Variants in MAP3K5 observed in about 807,000 individuals in gnomAD.
The protein encoded by MAP3K5 is ASK-1.
Under a neutral mutation model 158.7 loss-of-function variants are expected in MAP3K5, and 56 were observed. That is an observed-to-expected ratio of 0.35 (90% confidence interval 0.28 to 0.44). The LOEUF is 0.44. MAP3K5 is among the 20% of genes least tolerant of loss of function. MAP3K5 has a pLI of 1.00. For synonymous variants in MAP3K5, 579 were observed against 601.7 expected, an observed-to-expected ratio of 0.96 and a Z score of 0.55; for missense variants, 1,294 against 1,674.8, an observed-to-expected ratio of 0.77 and a Z score of 3.97.
chr6:136,567,946 G>GGCCTTAGTT, intron 25 of MAP3K5, 72 bp from the exon 26 acceptor site: 3 of 1,483,912 alleles, frequency 2.0e-6, no homozygotes, highest in Non-Finnish European at 2.8e-6. Context: ...AGATATGAAT[G>GGCCTTAGTT]CTACCCTCCT....
At chr6:136,734,763 A>G (rs906517294) in intron 1 of MAP3K5, among the ~76,000 whole-genome samples, 4 of 152,140 alleles carry the variant, frequency 2.6e-5, no homozygotes, top group African/African-American at 9.7e-5. Flanking sequence ...AAACCATCAA[A>G]GCTTCATTCA....
intron 19 of MAP3K5, 64 bp from the exon 20 acceptor site, chr6:136,602,043 A>G (rs1043097937): frequency 1.5e-6 from 2 of 1,365,442 alleles, no homozygotes; most frequent in African/African-American, 1.5e-5. Context: ...CCTGAACTCC[A>G]GCTTCCATAA....
At chr6:136,698,326 A>G (rs1262496078) in intron 4 of MAP3K5, among the ~76,000 whole-genome samples, 163 bp downstream of exon 4, 1 of 152,166 alleles carries the variant, frequency 6.6e-6, no homozygotes, top group Non-Finnish European at 1.5e-5. Flanking sequence ...AATAAAATGT[A>G]TTATGTGGCA....
rs551346025 is a variant in MAP3K5 at position 136,764,529 on chromosome 6, C to A, written c.448+27181G>T. Among the ~76,000 whole-genome samples, 9 of 152,286 alleles carry A rather than the reference C, an allele frequency of 5.9e-5. No individual in the cohort carries two copies. The East Asian group carries it at 1.7e-3, about 29-fold the overall frequency. On this transcript the variant is annotated intron_variant, in intron 1 of 29. Coordinates refer to ENST00000359015, the MANE Select transcript of MAP3K5 (RefSeq NM_005923.4). ...TGGATGTTCCAGCTTTGTCAAACCC[C>A]CAGATGGCTTCAGACCCAACCAAGT...
In MAP3K5 at chr6:136,600,944, C is replaced by T. The variant is rs953140351; in HGVS notation, c.2878+78G>A. The T allele has an allele frequency of 5.5e-6, 8 of 1,451,898 alleles. No homozygotes were observed. In the African/African-American group the frequency reaches 9.8e-5, roughly 18 times the overall value. 89.9% of individuals were successfully genotyped at this position (1,451,898 alleles called of 1,614,324 possible). Reference sequence around the variant, plus strand: ...TGTAAGCCAGGAGCAGAGCATGAGGCTACTTGATGGGAAGTCTGGAGTTTA... The same window carrying T: ...TGTAAGCCAGGAGCAGAGCATGAGGTTACTTGATGGGAAGTCTGGAGTTTA... On this transcript the variant is annotated intron_variant, in intron 21 of 29. Transcript: ENST00000359015.
In MAP3K5 at chr6:136,580,473, C is replaced by G. The variant is rs927198190; in HGVS notation, c.3412-67G>C. ...GCAAATAGCCTAGATGATCGAAGCA[C>G]TTGTATGAAGTTCCATTTACAAAAC... is the stretch of plus-strand genomic sequence containing the variant. On this transcript the variant is annotated intron_variant, in intron 24 of 29. Coordinates refer to ENST00000359015, the MANE Select transcript of MAP3K5 (RefSeq NM_005923.4). 4.3e-6 allele frequency: 4 copies of G among 930,010 alleles called. No homozygotes were observed. The Admixed American group carries it at 5.6e-5, about 13-fold the overall frequency. 57.6% of individuals were successfully genotyped at this position (930,010 alleles called of 1,614,324 possible). A position where few individuals can be genotyped will look rare whatever the true frequency, so the allele number is the denominator to read the frequency against.
At chr6:136,649,460 G>A (rs976296504) in intron 11 of MAP3K5, among the ~76,000 whole-genome samples, 2 of 152,140 alleles carry the variant, frequency 1.3e-5, no homozygotes. Context: ...TCAACCATGG[G>A]TGCACATCAG....
intron 1 of MAP3K5, among the ~76,000 whole-genome samples, chr6:136,733,139 T>C (rs1424098901): frequency 6.6e-6 from 1 of 152,176 alleles, no homozygotes; most frequent in African/African-American, 2.4e-5. Flanking sequence ...CCTAGGACTA[T>C]AGGCATGCAC....
chr6:136,737,996 G>GA (rs1273702550), intron 1 of MAP3K5, among the ~76,000 whole-genome samples: 1 of 152,044 alleles, frequency 6.6e-6, no homozygotes, highest in Non-Finnish European at 1.5e-5. Flanking sequence ...CATAATATAG[G>GA]AGTTTCTTTT....
At chr6:136,632,706 G>A (rs1319871844) in intron 14 of MAP3K5, among the ~76,000 whole-genome samples, 1 of 152,176 alleles carries the variant, frequency 6.6e-6, no homozygotes, top group Non-Finnish European at 1.5e-5. Context: ...GAACGGGCAT[G>A]AGGGATTAAG....
Position 136,597,353 on chromosome 6 carries a change from G to C in MAP3K5, c.2878+3669C>G, listed in dbSNP as rs550127775. Among the ~76,000 whole-genome samples the C allele has an allele frequency of 2.0e-5, 3 of 152,296 alleles. No homozygotes were observed. The South Asian group carries it at 6.2e-4, about 32-fold the overall frequency. On this transcript the variant is annotated intron_variant, in intron 21 of 29. Coordinates refer to ENST00000359015, the MANE Select transcript of MAP3K5 (RefSeq NM_005923.4). ...AGATACATTCCTGCTTTGGGAAAAC[G>C]GGGATTTTCTAAATCCCTTCCATTG...
intron 1 of MAP3K5, among the ~76,000 whole-genome samples, chr6:136,786,859 C>T (rs1419267955): frequency 7.0e-6 from 1 of 141,960 alleles, no homozygotes; most frequent in Non-Finnish European, 1.5e-5. Flanking sequence ...GGCTGGACTG[C>T]AGTAGCACGA....
intron 3 of MAP3K5, among the ~76,000 whole-genome samples, chr6:136,698,884 T>G (rs1780725219): frequency 6.6e-6 from 1 of 152,144 alleles, no homozygotes; most frequent in Admixed American, 6.5e-5. Context: ...TTACAGATGA[T>G]ACCAAAAAAA....
At chr6:136,628,601 C>A (rs934884443) in intron 14 of MAP3K5, among the ~76,000 whole-genome samples, 1 of 152,006 alleles carries the variant, frequency 6.6e-6, no homozygotes, top group African/African-American at 2.4e-5. Context: ...GTTTTAATTT[C>A]CCCTAGGAAT....
intron 25 of MAP3K5, among the ~76,000 whole-genome samples, chr6:136,578,830 C>A (rs1461954915): frequency 6.6e-6 from 1 of 151,710 alleles, no homozygotes; most frequent in Non-Finnish European, 1.5e-5. Context: ...GAAGGGTTGG[C>A]CTGAACTTAA....
At chr6:136,618,288 C>CT (rs1159742200) in intron 15 of MAP3K5, among the ~76,000 whole-genome samples, 2 of 152,226 alleles carry the variant, frequency 1.3e-5, no homozygotes, top group Non-Finnish European at 2.9e-5. Context: ...ATAGAAACAA[C>CT]TTTGTTTGCT....
chr6:136,791,442 C>G (rs539767718), intron 1 of MAP3K5, among the ~76,000 whole-genome samples: 1 of 152,196 alleles, frequency 6.6e-6, no homozygotes, highest in Non-Finnish European at 1.5e-5. Flanking sequence ...GAGAACAGTT[C>G]AAGTCGATCG....
At chr6:136,616,330 GTTTCACTC>G (rs1201133732) in intron 15 of MAP3K5, among the ~76,000 whole-genome samples, 1 of 136,574 alleles carries the variant, frequency 7.3e-6, no homozygotes, top group East Asian at 2.2e-4. Flanking sequence ...TTGAGATGGA[GTTTCACTC>G]TTGTCGCCCA....
At chr6:136,560,950 TATAAA>T (rs375236222) in intron 28 of MAP3K5, among the ~76,000 whole-genome samples, 1,760 of 144,760 alleles carry the variant, frequency 0.012, 32 homozygotes, top group African/African-American at 0.04. Flanking sequence ...TCCAAAAAAA[TATAAA>T]ATAAAATAAA....
Sources: gnomAD v4.1 joint callset for allele counts (sites outside exome capture counted in the v4.1 genomes callset) on GRCh38, gnomAD v4.1.1 for gene constraint, MANE v1.5 for transcripts, NCBI Gene and HGNC (gene_info 2026-07-23, HGNC 2026-07-21) for gene names.